The following FCHO1 variants were observed in gnomAD, a reference collection of about 807,000 sequenced individuals.
FCHO1 encodes the protein FCH and mu domain containing endocytic adaptor 1, also known as F-BAR domain only protein 1.
FCHO1 carries 45 observed loss-of-function variants against 114.4 expected under a neutral mutation model. The ratio of observed to expected loss-of-function variants is 0.39; its 90% CI spans 0.31 to 0.50. The LOEUF (loss-of-function observed/expected upper bound fraction) is 0.50, where lower values mean the gene tolerates loss of function less well. Among genes scored for constraint, FCHO1 ranks in the 20% least tolerant of loss-of-function variants. FCHO1 has a pLI of 0.77. For missense variants in FCHO1, 1,042 were observed against 1,209.6 expected (o/e 0.86, Z 2.06); for synonymous variants, 480 against 488.9 (o/e 0.98, Z 0.24).
chr19:17,786,184 TTA>T (rs1333237267), intron 26 of FCHO1, among the ~76,000 whole-genome samples: 1 of 150,010 alleles, frequency 6.7e-6, no homozygotes. Flanking sequence ...ATTACAAAAA[TTA>T]GCCAGGCGTG....
At chr19:17,758,229 GAA>G (rs2084567568) in intron 4 of FCHO1, among the ~76,000 whole-genome samples, 1 of 151,746 alleles carries the variant, frequency 6.6e-6, no homozygotes. Context: ...AAAAAAAAGA[GAA>G]AACGTATTCC....
chr19:17,778,173 C>T lies in FCHO1; in HGVS notation c.1296C>T (p.Ser432=). The T allele has an allele frequency of 6.2e-7, 1 of 1,613,628 alleles. No homozygotes were observed. The highest frequency in any genetic ancestry group is 8.5e-7 in the Non-Finnish European group (1 of 1,179,800). Residue 432 remains serine (S), a synonymous_variant, in exon 19 of 29, where the codon TCC becomes TCT. Transcript: ENST00000596536. ...AERLQSEEQV[S]KNLFGPPLES... is the part of the protein sequence containing the mutation. ...GATTGCAGTCAGAGGAGCAGGTGTCCAAGAACCTCTTTGGGCCGCCCCTGG... is the reference window on the plus strand; with the variant it reads ...GATTGCAGTCAGAGGAGCAGGTGTCTAAGAACCTCTTTGGGCCGCCCCTGG...
intron 26 of FCHO1, 144 bp downstream of exon 26, chr19:17,785,068 A>G (rs953004084): frequency 2.7e-5 from 21 of 772,402 alleles, no homozygotes; most frequent in Middle Eastern, 3.6e-4. Flanking sequence ...GGGTGATGTT[A>G]TGAGTGCCAG....
chr19:17,750,678 C>T (rs1472301945), upstream of FCHO1, among the ~76,000 whole-genome samples: 1 of 151,810 alleles, frequency 6.6e-6, no homozygotes, highest in Non-Finnish European at 1.5e-5. Context: ...AGGCTGTTCT[C>T]GCACTCCTGG....
At chr19:17,769,921 T>C (rs933657361) in intron 7 of FCHO1, among the ~76,000 whole-genome samples, 34 of 152,150 alleles carry the variant, frequency 2.2e-4, no homozygotes, top group Admixed American at 1.8e-3. Context: ...CCCAACACTT[T>C]GGGAGGCTGA....
chr19:17,766,390 G>A (rs1039850633), intron 6 of FCHO1, among the ~76,000 whole-genome samples: 2 of 151,294 alleles, frequency 1.3e-5, no homozygotes, highest in African/African-American at 4.9e-5. Context: ...TGCTCGACTC[G>A]GTCTCCCAAA....
At position 17,775,163 on chromosome 19, in the gene FCHO1, A is replaced by G. The variant is rs2092442484; in HGVS notation, c.945+83A>G. 7 of 1,461,096 alleles carry G rather than the reference A, an allele frequency of 4.8e-6. No homozygotes were observed. Among genetic ancestry groups the G allele is most frequent in the South Asian group, 2.5e-5 (2 of 80,188 alleles). The allele number at this position is 1,461,096 out of a possible 1,614,324, so 90.5% of individuals were successfully genotyped here. On this transcript the variant is annotated intron_variant, in intron 14 of 28. Transcript: ENST00000596536. The surrounding 1 kb of genome is among the most constrained non-coding windows in gnomAD (Gnocchi z 5.1). ...CTTGGCTCCTAGAGTCCCGATCCCTACTGGAAACTAAAGAGCCGAGATTGA... is the reference window on the plus strand; with the variant it reads ...CTTGGCTCCTAGAGTCCCGATCCCTGCTGGAAACTAAAGAGCCGAGATTGA...
At position 17,769,472 on chromosome 19, in the gene FCHO1, A is replaced by G. The variant is rs549820522; in HGVS notation, c.337-953A>G. On this transcript the variant is annotated intron_variant, in intron 7 of 28. Transcript: ENST00000596536. Reference sequence around the variant, plus strand: ...GCGGCGCCTGTAGTCTCAGCTACTCAGGAGGCTGAGGCAGGAGAATGGCGT... The same window carrying G: ...GCGGCGCCTGTAGTCTCAGCTACTCGGGAGGCTGAGGCAGGAGAATGGCGT... Among the ~76,000 whole-genome samples, 273 of 146,058 alleles carry G rather than the reference A, an allele frequency of 1.9e-3. 1 individual carries two copies. The highest frequency in any genetic ancestry group is 3.1e-3 in the Non-Finnish European group (208 of 66,194).
intron 6 of FCHO1, among the ~76,000 whole-genome samples, chr19:17,765,729 A>G (rs369577161): frequency 2.6e-5 from 4 of 151,856 alleles, no homozygotes; most frequent in African/African-American, 9.7e-5. Flanking sequence ...TGGCATTTGC[A>G]GTTTTCTTTG....
intron 1 of FCHO1, chr19:17,752,427 T>C (rs921816886): frequency 2.6e-5 from 4 of 152,038 alleles, no homozygotes; most frequent in Non-Finnish European, 4.4e-5. Flanking sequence ...CCCTGCTGAT[T>C]TTTATATTTT....
chr19:17,748,517 G>A (rs1568304691), upstream of FCHO1, among the ~76,000 whole-genome samples: 1 of 150,070 alleles, frequency 6.7e-6, no homozygotes, highest in Non-Finnish European at 1.5e-5. Context: ...TGGGGGGGGG[G>A]TCCCTCTTTT....
At chr19:17,780,365 T>G (rs976358707) in intron 20 of FCHO1, among the ~76,000 whole-genome samples, 27 of 152,030 alleles carry the variant, frequency 1.8e-4, no homozygotes, top group Non-Finnish European at 8.8e-5. Context: ...GGTTTCACCA[T>G]GTTGGACAGG....
chr19:17,757,610 C>T (rs186377868), intron 4 of FCHO1, among the ~76,000 whole-genome samples: 1 of 152,268 alleles, frequency 6.6e-6, no homozygotes, highest in Admixed American at 6.5e-5. Context: ...AAATATAATT[C>T]CAAACACAAG....
intron 9 of FCHO1, 44 bp from the exon 10 acceptor site, chr19:17,772,413 T>C (rs1483895668): frequency 1.7e-5 from 25 of 1,472,956 alleles, no homozygotes; most frequent in Non-Finnish European, 2.2e-5. Flanking sequence ...CACTTCTTCT[T>C]GGCCCTGACC....
At chr19:17,783,259 A>AT (rs35570531) in intron 24 of FCHO1, 87 bp downstream of exon 24, 322,626 of 1,085,816 alleles carry the variant, frequency 0.3, 22,890 homozygotes, top group Non-Finnish European at 0.33. Context: ...GCTTCCTGGG[A>AT]TTTTTTCTTT....
At chr19:17,780,476 C>G (rs2093295760) in intron 20 of FCHO1, among the ~76,000 whole-genome samples, 1 of 152,140 alleles carries the variant, frequency 6.6e-6, no homozygotes, top group Admixed American at 6.5e-5. Context: ...AGTAGAGGCT[C>G]TTATCCAACC....
At position 17,784,968 on chromosome 19, in the gene FCHO1, C is replaced by T. The variant is rs1568376715; in HGVS notation, c.2426+44C>T. 1.9e-6 allele frequency: 3 copies of T among 1,584,318 alleles called. No individual in the cohort carries two copies. Among genetic ancestry groups the T allele is most frequent in the African/African-American group, 2.7e-5 (2 of 74,556 alleles). On this transcript the variant is annotated intron_variant, in intron 26 of 28. Transcript: ENST00000596536. The surrounding 1 kb of genome is among the most constrained non-coding windows in gnomAD (Gnocchi z 5.3). ...CCAAGGAAAACTCAGCAGTTTCCCC[C>T]ATAACCCCAGACCTTCTCCCTGATG...
intron 4 of FCHO1, 109 bp from the exon 5 acceptor site, chr19:17,762,653 G>A (rs775447356): frequency 9.7e-6 from 8 of 821,628 alleles, no homozygotes; most frequent in Admixed American, 3.4e-5. Context: ...GCCCGAACAA[G>A]TCCCTACAGC....
At chr19:17,749,546 T>C (rs1233342914), upstream of FCHO1, among the ~76,000 whole-genome samples, 1 of 152,052 alleles carries the variant, frequency 6.6e-6, no homozygotes, top group East Asian at 1.9e-4. Flanking sequence ...AGGCATTCAA[T>C]AGATGTTTGC....
Sources: allele counts gnomAD v4.1 joint callset (sites outside exome capture counted in the v4.1 genomes callset), GRCh38; gene constraint gnomAD v4.1.1; non-coding constraint Gnocchi (gnomAD v3.1); transcripts MANE v1.5; gene names NCBI Gene and HGNC (gene_info 2026-07-23, HGNC 2026-07-21).